ZNF438: variants seen among roughly 807,000 people sequenced by gnomAD.
ZNF438 encodes the protein zinc finger protein 438.
A neutral mutation model predicts 38.0 loss-of-function variants in ZNF438; 25 were observed. The observed-to-expected ratio is 0.66, with a 90% confidence interval of 0.48 to 0.92. The LOEUF (loss-of-function observed/expected upper bound fraction) is 0.92, where lower values mean the gene tolerates loss of function less well. ZNF438 is among the 40% of genes least tolerant of loss of function. ZNF438 has a pLI of 0.00. For missense variants in ZNF438, 1,007 were observed against 999.6 expected, an observed-to-expected ratio of 1.01 and a Z score of -0.10; for synonymous variants, 372 against 364.1, an observed-to-expected ratio of 1.02 and a Z score of -0.25.
intron 3 of ZNF438, among the ~76,000 whole-genome samples, chr10:30,877,322 C>T (rs2038580789): frequency 1.3e-5 from 2 of 152,184 alleles, no homozygotes; most frequent in South Asian, 2.1e-4. Flanking sequence ...CACACTTCTG[C>T]TCTCATGGGG....
intron 1 of ZNF438, among the ~76,000 whole-genome samples, chr10:31,024,502 C>G (rs548258291): frequency 6.8e-4 from 103 of 152,272 alleles, no homozygotes; most frequent in Non-Finnish European, 1.2e-3. Context: ...GTGGCGGGTG[C>G]CTGCAGTCCT....
intron 4 of ZNF438, among the ~76,000 whole-genome samples, chr10:30,873,113 G>A (rs141899140): frequency 3.9e-5 from 6 of 152,220 alleles, no homozygotes; most frequent in African/African-American, 1.4e-4. Flanking sequence ...TTGTTTTCAT[G>A]CCTCTTTTTT....
At chr10:30,854,663 TAATC>T (rs1488947881) in intron 4 of ZNF438, among the ~76,000 whole-genome samples, 1 of 152,188 alleles carries the variant, frequency 6.6e-6, no homozygotes, top group African/African-American at 2.4e-5. Context: ...AAGGAGCTAA[TAATC>T]AACTACCTAC....
chr10:30,923,114 C>T (rs1386890278), intron 2 of ZNF438, among the ~76,000 whole-genome samples: 2 of 152,162 alleles, frequency 1.3e-5, no homozygotes, highest in African/African-American at 2.4e-5. Context: ...ATTGAATTGT[C>T]AGTAGAAACA....
chr10:30,923,195 G>A (rs1589217771), intron 2 of ZNF438: 1 of 152,284 alleles, frequency 6.6e-6, no homozygotes, highest in Admixed American at 6.5e-5. Context: ...AAGTTAATAG[G>A]TGATGCAGTG....
rs564200859 is a variant in ZNF438 at position 30,888,544 on chromosome 10, A to C, written c.-31-11479T>G. Among the ~76,000 whole-genome samples the C allele has an allele frequency of 3.9e-5, 6 of 152,196 alleles. No individual in the cohort carries two copies. In the East Asian group the frequency reaches 1.2e-3, roughly 29 times the overall value. On this transcript the variant is annotated intron_variant, in intron 3 of 5. Coordinates refer to ENST00000413025, the Ensembl canonical transcript of ZNF438. ...TCCCACCCTCCACCCTCTACCCTCA[A>C]GTAGGCTCCAGGGTCTGTTGTTCCC...
At chr10:30,868,175 T>C (rs1307003456) in intron 4 of ZNF438, among the ~76,000 whole-genome samples, 1 of 151,810 alleles carries the variant, frequency 6.6e-6, no homozygotes, top group Admixed American at 6.6e-5. Context: ...GTTCAAGCAA[T>C]TCTTTTGCCT....
chr10:30,926,844 G>A (rs1003656021), intron 2 of ZNF438, among the ~76,000 whole-genome samples: 1 of 152,032 alleles, frequency 6.6e-6, no homozygotes, highest in African/African-American at 2.4e-5. Context: ...TAAAAAAGAA[G>A]ACTGAAAAAA....
chr10:30,914,198 TAAAAAAGTTAAATC>T (rs1003664750), intron 2 of ZNF438, among the ~76,000 whole-genome samples: 3 of 152,166 alleles, frequency 2.0e-5, no homozygotes, highest in East Asian at 1.9e-4. Context: ...AAAGTTAAAT[TAAAAAAGTTAAATC>T]AAAAAAGTTA....
chr10:30,912,839 G>A (rs966755009), intron 2 of ZNF438, among the ~76,000 whole-genome samples: 1 of 152,106 alleles, frequency 6.6e-6, no homozygotes, highest in African/African-American at 2.4e-5. Context: ...CATCTGAAAT[G>A]TTCTGCCTTT....
At position 30,988,977 on chromosome 10, in the gene ZNF438, G is replaced by A. The variant is rs560571868; in HGVS notation, c.-192+42856C>T. Among the ~76,000 whole-genome samples the A allele has an allele frequency of 3.9e-5, 6 of 152,160 alleles. No homozygotes were observed. The East Asian group carries it at 9.7e-4, about 24-fold the overall frequency. ...TGAAATAAAGCAGACTCCATACTGT[G>A]GTGGGCCTTATTCAATCAGATGAAG... is the stretch of plus-strand genomic sequence containing the variant. On this transcript the variant is annotated intron_variant, in intron 1 of 5. Coordinates refer to ENST00000413025, the Ensembl canonical transcript of ZNF438.
At chr10:30,929,629 GC>G (rs1292166972) in intron 2 of ZNF438, among the ~76,000 whole-genome samples, 2 of 152,216 alleles carry the variant, frequency 1.3e-5, no homozygotes, top group African/African-American at 4.8e-5. Flanking sequence ...GGCTGCGGTA[GC>G]CTGCTTTTAT....
chr10:30,963,320 A>C (rs1429667717), intron 1 of ZNF438, among the ~76,000 whole-genome samples: 2 of 138,040 alleles, frequency 1.4e-5, no homozygotes, highest in East Asian at 5.0e-4. Context: ...TGAACCCAGG[A>C]GGTGGAAGTT....
At chr10:30,845,559 T>C in exon 6 of ZNF438, 2 of 1,609,480 alleles carry the variant, frequency 1.2e-6, no homozygotes, top group East Asian at 2.2e-5. Flanking sequence ...TTCTTCCAGG[T>C]TGGACTTGTT....
chr10:30,904,354 C>T (rs529974544), intron 3 of ZNF438, among the ~76,000 whole-genome samples: 17 of 152,300 alleles, frequency 1.1e-4, no homozygotes, highest in Non-Finnish European at 2.4e-4. Context: ...CCCTTACCTC[C>T]CCTATCTTGG....
intron 2 of ZNF438, among the ~76,000 whole-genome samples, chr10:30,928,817 G>T (rs1344923742): frequency 6.6e-6 from 1 of 152,122 alleles, no homozygotes; most frequent in South Asian, 2.1e-4. Flanking sequence ...TGTCCAGCTG[G>T]AGTGAGGTGA....
At chr10:30,951,696 T>A (rs965187685) in intron 1 of ZNF438, among the ~76,000 whole-genome samples, 1 of 151,834 alleles carries the variant, frequency 6.6e-6, no homozygotes, top group Non-Finnish European at 1.5e-5. Context: ...TTACAAGGGA[T>A]GTGAAGGACC....
At chr10:31,007,276 G>GTTTGTTT (rs1564839823) in intron 1 of ZNF438, among the ~76,000 whole-genome samples, 4 of 112,390 alleles carry the variant, frequency 3.6e-5, no homozygotes, top group Non-Finnish European at 7.2e-5. Flanking sequence ...TTTTTTTGGT[G>GTTTGTTT]TTTTTTTTTT....
chr10:31,023,780 G>A (rs1589761843), intron 1 of ZNF438, among the ~76,000 whole-genome samples: 1 of 152,132 alleles, frequency 6.6e-6, no homozygotes, highest in East Asian at 1.9e-4. Context: ...ATCAGCAACT[G>A]CCCCGCTTCA....
Sources: gnomAD v4.1 joint callset for allele counts (sites outside exome capture counted in the v4.1 genomes callset) on GRCh38, gnomAD v4.1.1 for gene constraint, MANE v1.5 for transcripts, NCBI Gene and HGNC (gene_info 2026-07-23, HGNC 2026-07-21) for gene names.